Variants in NUP210L observed in about 807,000 individuals in gnomAD.
The protein encoded by NUP210L is nuclear pore membrane glycoprotein 210-like.
A neutral mutation model predicts 208.5 loss-of-function variants in NUP210L; 74 were observed. That is an observed-to-expected ratio of 0.35 (90% CI 0.29 to 0.43). The LOEUF is 0.43. NUP210L is among the 20% of genes least tolerant of loss of function. NUP210L has a pLI of 1.00. For missense variants in NUP210L, 1,843 were observed against 2,289.4 expected (o/e 0.81, Z 3.98); for synonymous variants, 780 against 816.9 (o/e 0.95, Z 0.77).
At chr1:154,128,179 T>C (rs1658077599) in intron 8 of NUP210L, among the ~76,000 whole-genome samples, 1 of 152,136 alleles carries the variant, frequency 6.6e-6, no homozygotes, top group African/African-American at 2.4e-5. Flanking sequence ...GTAGATCTTT[T>C]AGTTCCTTCT....
intron 2 of NUP210L, among the ~76,000 whole-genome samples, chr1:154,151,225 C>A (rs1188708306): frequency 2.0e-5 from 3 of 151,126 alleles, no homozygotes; most frequent in Non-Finnish European, 4.4e-5. Flanking sequence ...TCCTTTTTAG[C>A]TACCCTGCAT....
intron 14 of NUP210L, among the ~76,000 whole-genome samples, chr1:154,099,736 G>A (rs573567889): frequency 6.6e-6 from 1 of 152,270 alleles, no homozygotes; most frequent in South Asian, 2.1e-4. Flanking sequence ...TTATACCTCA[G>A]TAAAAAAGAA....
intron 9 of NUP210L, among the ~76,000 whole-genome samples, 177 bp downstream of exon 9, chr1:154,127,130 AAAAG>A (rs1658023900): frequency 6.6e-6 from 1 of 151,848 alleles, no homozygotes; most frequent in Non-Finnish European, 1.5e-5. Context: ...AAAAAGAAGA[AAAAG>A]AAGAAGAAGA....
intron 25 of NUP210L, among the ~76,000 whole-genome samples, chr1:154,046,972 C>T (rs918311412): frequency 6.6e-6 from 1 of 152,032 alleles, no homozygotes; most frequent in Non-Finnish European, 1.5e-5. Context: ...GCAGGAGAGT[C>T]GTTTGAATCC....
intron 12 of NUP210L, among the ~76,000 whole-genome samples, chr1:154,111,962 C>G (rs1657060512): frequency 6.6e-6 from 1 of 151,468 alleles, no homozygotes; most frequent in East Asian, 1.9e-4. Context: ...GAGTCTCACT[C>G]TGTTGCCCAG....
chr1:154,011,958 C>T (rs1326305103), intron 34 of NUP210L, among the ~76,000 whole-genome samples: 1 of 151,942 alleles, frequency 6.6e-6, no homozygotes, highest in African/African-American at 2.4e-5. Context: ...GATCTGCCTG[C>T]CTTGGCCTCC....
intron 16 of NUP210L, among the ~76,000 whole-genome samples, chr1:154,077,975 A>T (rs1370502675): frequency 6.6e-6 from 1 of 151,850 alleles, no homozygotes; most frequent in Non-Finnish European, 1.5e-5. Flanking sequence ...ACAGAGTGAG[A>T]CTCAGTCTCA....
intron 34 of NUP210L, among the ~76,000 whole-genome samples, chr1:154,011,682 T>G (rs1353249118): frequency 2.4e-5 from 3 of 125,460 alleles, no homozygotes; most frequent in Admixed American, 7.9e-5. Context: ...ATCTTAAGTT[T>G]TTTTTTTTTT....
intron 10 of NUP210L, among the ~76,000 whole-genome samples, chr1:154,121,462 T>C (rs1294383052): frequency 6.6e-6 from 1 of 152,166 alleles, no homozygotes; most frequent in African/African-American, 2.4e-5. Flanking sequence ...TTATGTAGTA[T>C]ACATTGTCTT....
At chr1:154,023,778 T>G (rs1651695375) in intron 30 of NUP210L, among the ~76,000 whole-genome samples, 1 of 148,578 alleles carries the variant, frequency 6.7e-6, no homozygotes, top group Non-Finnish European at 1.5e-5. Context: ...GTGCCCGGCT[T>G]GAAATGGGTT....
At chr1:154,059,242 G>A (rs1489349126) in intron 20 of NUP210L, among the ~76,000 whole-genome samples, 2 of 152,188 alleles carry the variant, frequency 1.3e-5, no homozygotes, top group African/African-American at 4.8e-5. Flanking sequence ...GGAGGCTGAG[G>A]GAGGATCACT....
chr1:154,082,452 A>G (rs192835598), intron 16 of NUP210L, among the ~76,000 whole-genome samples: 8 of 152,288 alleles, frequency 5.3e-5, no homozygotes, highest in Admixed American at 2.0e-4. Flanking sequence ...AGGAAGAAAT[A>G]GACAATTCAA....
At chr1:154,033,550 T>G (rs1359578071) in intron 27 of NUP210L, among the ~76,000 whole-genome samples, 1 of 152,192 alleles carries the variant, frequency 6.6e-6, no homozygotes, top group Non-Finnish European at 1.5e-5. Context: ...AAAAGTGAGT[T>G]TCCTGCAGGT....
chr1:154,065,747 G>T lies in NUP210L; in HGVS notation c.2555-4073C>A, dbSNP rs185004800. Among the ~76,000 whole-genome samples, 663 of 152,046 alleles carry T rather than the reference G, an allele frequency of 4.4e-3. 14 individuals carry two copies. The highest frequency in any genetic ancestry group is 0.036 in the Admixed American group (556 of 15,256). On this transcript the variant is annotated intron_variant, in intron 17 of 39. Transcript: ENST00000368559. Reference sequence around the variant, plus strand: ...GTCTCTACTAAAATACAAAAAATTAGCTGGGCATGGTGGCACATGCCTATA... The same window carrying T: ...GTCTCTACTAAAATACAAAAAATTATCTGGGCATGGTGGCACATGCCTATA...
chr1:154,103,962 GATAA>G (rs750798636), intron 13 of NUP210L, 46 bp downstream of exon 13: 16 of 1,425,448 alleles, frequency 1.1e-5, no homozygotes, highest in Middle Eastern at 2.0e-4. Context: ...TAGAGTTAAA[GATAA>G]ATAAATAAAG....
chr1:154,035,459 G>A (rs1309140495), intron 27 of NUP210L, among the ~76,000 whole-genome samples: 8 of 148,058 alleles, frequency 5.4e-5, no homozygotes, highest in African/African-American at 1.2e-4. Flanking sequence ...GTGCAATGGC[G>A]CGATCTTGGA....
chr1:154,056,665 C>A, intron 23 of NUP210L, 150 bp downstream of exon 23: 1 of 670,590 alleles, frequency 1.5e-6, no homozygotes, highest in Non-Finnish European at 2.4e-6. Flanking sequence ...AAGTGATGTT[C>A]CCACCTCAGC....
chr1:154,051,751 A>C (rs1356188268), intron 25 of NUP210L, among the ~76,000 whole-genome samples: 1 of 152,172 alleles, frequency 6.6e-6, no homozygotes, highest in Non-Finnish European at 1.5e-5. Flanking sequence ...ATGTGTGGAC[A>C]CCTTTTCTCA....
rs1475197650 is a variant in NUP210L at position 154,018,918 on chromosome 1, T to A, written c.4653+15A>T. Reference sequence around the variant, plus strand: ...GTCACCCTAGTCTCTTAAACTCTGATACAGTTATGTTTACCTCTCGATATG... The same window carrying A: ...GTCACCCTAGTCTCTTAAACTCTGAAACAGTTATGTTTACCTCTCGATATG... On this transcript the variant is annotated intron_variant, in intron 33 of 39. Transcript: ENST00000368559. The A allele has an allele frequency of 6.2e-7, 1 of 1,613,736 alleles. No individual in the cohort carries two copies. The highest frequency in any genetic ancestry group is 1.1e-5 in the South Asian group (1 of 91,030).
Sources: allele counts gnomAD v4.1 joint callset (sites outside exome capture counted in the v4.1 genomes callset), GRCh38; gene constraint gnomAD v4.1.1; transcripts MANE v1.5; gene names NCBI Gene and HGNC (gene_info 2026-07-23, HGNC 2026-07-21).